Variants in NR1I2 observed in about 807,000 individuals in gnomAD.
NR1I2 encodes the protein nuclear receptor subfamily 1 group I member 2, also known as orphan nuclear receptor PAR1.
In NR1I2, 42 loss-of-function variants were observed where a neutral mutation model predicts 43.3. The observed-to-expected ratio is 0.97, with a 90% CI of 0.76 to 1.26. The LOEUF is 1.26. NR1I2 is among the 50% of genes most tolerant of loss of function. The pLI, the probability that NR1I2 is intolerant of heterozygous loss-of-function variation, is 0.00. For synonymous variants in NR1I2, 229 were observed against 215.0 expected (o/e 1.06, Z -0.57); for missense variants, 559 against 566.7 (o/e 0.99, Z 0.14).
At chr3:119,805,481 T>C (rs1046426233) in intron 1 of NR1I2, among the ~76,000 whole-genome samples, 56 of 152,056 alleles carry the variant, frequency 3.7e-4, no homozygotes, top group African/African-American at 1.3e-3. Context: ...GGCGGGCAGA[T>C]CACTTGAGGT....
Position 119,782,932 on chromosome 3 carries a change from A to G in NR1I2, c.-23+632A>G, listed in dbSNP as rs903936097. 5.7e-6 allele frequency: 7 copies of G among 1,218,650 alleles called. No individual in the cohort carries two copies. In the African/African-American group the frequency reaches 1.0e-4, roughly 18 times the overall value. The allele number at this position is 1,218,650 out of a possible 1,614,324, so 75.5% of individuals were successfully genotyped here. A position where few individuals can be genotyped will look rare whatever the true frequency, so the allele number is the denominator to read the frequency against. On this transcript the variant is annotated intron_variant, in intron 1 of 8. Coordinates refer to ENST00000393716, the MANE Select transcript of NR1I2 (RefSeq NM_003889.4). Reference sequence around the variant, plus strand: ...TTGCCTGCATGTGGTCAGTGCCACCAGGTCCTTCTTCTCTCCACTTTACAG... The same window carrying G: ...TTGCCTGCATGTGGTCAGTGCCACCGGGTCCTTCTTCTCTCCACTTTACAG...
chr3:119,814,611 C>T (rs2055291896), intron 5 of NR1I2, among the ~76,000 whole-genome samples: 1 of 152,094 alleles, frequency 6.6e-6, no homozygotes, highest in African/African-American at 2.4e-5. Flanking sequence ...GAAGTCATTC[C>T]AAGGGGGAAA....
At chr3:119,782,927 C>A in intron 1 of NR1I2, 1 of 1,235,378 alleles carries the variant, frequency 8.1e-7, no homozygotes, top group Non-Finnish European at 1.2e-6. Flanking sequence ...GTGGTCAGTG[C>A]CACCAGGTCC....
intron 4 of NR1I2, 106 bp downstream of exon 4, chr3:119,811,832 C>T: frequency 9.4e-7 from 1 of 1,068,298 alleles, no homozygotes; most frequent in Non-Finnish European, 1.4e-6. Context: ...CACAGCTAAT[C>T]AGTGGTGGAG....
At chr3:119,794,241 A>G (rs191083405) in intron 1 of NR1I2, among the ~76,000 whole-genome samples, 2 of 151,960 alleles carry the variant, frequency 1.3e-5, no homozygotes, top group Admixed American at 1.3e-4. Flanking sequence ...TCTGTTGCCC[A>G]GACTGGAGTT....
intron 1 of NR1I2, among the ~76,000 whole-genome samples, chr3:119,788,969 T>C (rs1458804320): frequency 6.6e-6 from 1 of 152,230 alleles, no homozygotes; most frequent in African/African-American, 2.4e-5. Flanking sequence ...GCTTGTGAGA[T>C]GCTGAAGCTC....
rs2055248582 is a variant in NR1I2 at position 119,811,860 on chromosome 3, G to A, written c.519+134G>A. The A allele has an allele frequency of 3.4e-6, 3 of 876,692 alleles. No homozygotes were observed. In the East Asian group the frequency reaches 8.0e-5, roughly 23 times the overall value. The allele number at this position is 876,692 out of a possible 1,614,324, so 54.3% of individuals were successfully genotyped here. A position where few individuals can be genotyped will look rare whatever the true frequency, so the allele number is the denominator to read the frequency against. ...TGGTGGAGGGTAGATTTGGAGAGCTGGTCCTGCATCTGTGCTAGCTCCTCA... is the reference window on the plus strand; with the variant it reads ...TGGTGGAGGGTAGATTTGGAGAGCTAGTCCTGCATCTGTGCTAGCTCCTCA... On this transcript the variant is annotated intron_variant, in intron 4 of 8. Transcript: ENST00000393716.
chr3:119,792,373 C>A, intron 1 of NR1I2: 2 of 1,369,082 alleles, frequency 1.5e-6, no homozygotes, highest in Non-Finnish European at 2.1e-6. Context: ...GCAGTGGAAG[C>A]CAAACAGGTG....
At chr3:119,815,613 C>T in intron 7 of NR1I2, 113 bp from the exon 8 acceptor site, 1 of 1,087,388 alleles carries the variant, frequency 9.2e-7, no homozygotes, top group Non-Finnish European at 1.4e-6. Context: ...CTTCACTTCC[C>T]TGCCTGGGTG....
At chr3:119,808,359 T>C (rs1346369954) in intron 2 of NR1I2, among the ~76,000 whole-genome samples, 2 of 152,344 alleles carry the variant, frequency 1.3e-5, no homozygotes, top group Middle Eastern at 3.4e-3. Context: ...AGGCCCATCT[T>C]TGAGAGTAAG....
At chr3:119,791,748 C>T (rs2054922519) in intron 1 of NR1I2, 1 of 407,608 alleles carries the variant, frequency 2.5e-6, no homozygotes. Context: ...AACCCCATCT[C>T]TACTAAAAAT....
intron 1 of NR1I2, among the ~76,000 whole-genome samples, chr3:119,801,855 G>T (rs2055085912): frequency 6.6e-6 from 1 of 152,184 alleles, no homozygotes; most frequent in Non-Finnish European, 1.5e-5. Context: ...AGGCTGGGGT[G>T]GCTGGTCCTG....
At chr3:119,815,899 C>A in intron 8 of NR1I2, 68 bp downstream of exon 8, 1 of 1,334,016 alleles carries the variant, frequency 7.5e-7, no homozygotes, top group Non-Finnish European at 1.1e-6. Flanking sequence ...GGAAATTGCC[C>A]AAGACTTCAT....
chr3:119,793,261 C>T (rs2054947572), intron 1 of NR1I2, among the ~76,000 whole-genome samples: 1 of 152,162 alleles, frequency 6.6e-6, no homozygotes, highest in African/African-American at 2.4e-5. Context: ...CTAACACAAT[C>T]AGATCTCACT....
Position 119,815,781 on chromosome 3 carries a change from C to T in NR1I2, c.1110C>T (p.Ala370=). ...TGGACCAGCTGCAGGAGCAATTCGCCATTACTCTGAAGTCCTACATTGAAT... is the reference window on the plus strand; with the variant it reads ...TGGACCAGCTGCAGGAGCAATTCGCTATTACTCTGAAGTCCTACATTGAAT... Residue 370 remains alanine, a synonymous_variant, in exon 8 of 9, where the codon GCC becomes GCT. Coordinates refer to ENST00000393716, the MANE Select transcript of NR1I2 (RefSeq NM_003889.4). 1.2e-6 allele frequency: 2 copies of T among 1,613,812 alleles called. No individual in the cohort carries two copies. The highest frequency in any genetic ancestry group is 1.3e-5 in the African/African-American group (1 of 75,068).
intron 5 of NR1I2, 74 bp from the exon 6 acceptor site, chr3:119,814,905 T>C: frequency 6.3e-7 from 1 of 1,594,198 alleles, no homozygotes; most frequent in Non-Finnish European, 8.6e-7. Context: ...TTCTGGATTA[T>C]GGGATGGCTG....
At chr3:119,813,026 G>C (rs2107975965) in intron 5 of NR1I2, 66 bp downstream of exon 5, 6 of 1,542,942 alleles carry the variant, frequency 3.9e-6, no homozygotes, top group Middle Eastern at 1.7e-4. Flanking sequence ...GGTTCAAAGG[G>C]CCTGGGGTAG....
chr3:119,816,935 G>A (rs527822035), intron 8 of NR1I2, 133 bp from the exon 9 acceptor site: 11 of 1,168,696 alleles, frequency 9.4e-6, no homozygotes, highest in Non-Finnish European at 1.4e-5. Context: ...GAAGCTTACG[G>A]AATTCAGCCA....
rs2054937242 is a variant in NR1I2 at position 119,792,629 on chromosome 3, C to T, written c.-23+10329C>T. On this transcript the variant is annotated intron_variant, in intron 1 of 8. Transcript: ENST00000393716. ...GATTCTTAACACTGCCTTCCTTCTG[C>T]CTCCACTCCAGAAATCACTGTGAAA... 9 of 586,032 alleles carry T rather than the reference C, an allele frequency of 1.5e-5. No homozygotes were observed. In the East Asian group the frequency reaches 2.4e-4, roughly 16 times the overall value. 36.3% of individuals were successfully genotyped at this position (586,032 alleles called of 1,614,324 possible).
Sources: gnomAD v4.1 joint callset for allele counts (sites outside exome capture counted in the v4.1 genomes callset) on GRCh38, gnomAD v4.1.1 for gene constraint, MANE v1.5 for transcripts, NCBI Gene and HGNC (gene_info 2026-07-23, HGNC 2026-07-21) for gene names.